Variants in ABCC3 observed in about 807,000 individuals in gnomAD.
ABCC3 encodes the protein ATP-binding cassette sub-family C member 3.
ABCC3 carries 121 observed loss-of-function variants against 165.3 expected under a neutral mutation model. The observed-to-expected ratio is 0.73, with a 90% confidence interval of 0.63 to 0.85. ABCC3 has a LOEUF of 0.85. Among genes scored for constraint, ABCC3 ranks in the 40% least tolerant of loss-of-function variants. The probability of loss-of-function intolerance (pLI) is 0.00; values close to 1 mark genes in which losing one functional copy is unlikely to be tolerated. For synonymous variants in ABCC3, 733 were observed against 810.1 expected (o/e 0.90, Z 1.62); for missense variants, 1,869 against 1,964.1 (o/e 0.95, Z 0.92).
At chr17:50,658,936 C>T (rs1414195222) in intron 6 of ABCC3, among the ~76,000 whole-genome samples, 2 of 152,208 alleles carry the variant, frequency 1.3e-5, no homozygotes, top group Non-Finnish European at 2.9e-5. Context: ...TTGCCCAGGC[C>T]TCGTCCTCAC....
At chr17:50,673,988 C>T (rs199866858) in intron 19 of ABCC3, among the ~76,000 whole-genome samples, 5,553 of 12,150 alleles carry the variant, frequency 0.46, 764 homozygotes, top group South Asian at 0.56. Context: ...TTCTCTCTCT[C>T]TCTCTCTCTC....
chr17:50,687,898 TG>T (rs1320845056), intron 30 of ABCC3, among the ~76,000 whole-genome samples, 168 bp downstream of exon 30: 1 of 151,238 alleles, frequency 6.6e-6, no homozygotes, highest in Non-Finnish European at 1.5e-5. Context: ...CAGACCAGAG[TG>T]GGGTGGCCTG....
chr17:50,672,269 A>G (rs1967664415), intron 17 of ABCC3, among the ~76,000 whole-genome samples: 1 of 152,146 alleles, frequency 6.6e-6, no homozygotes, highest in African/African-American at 2.4e-5. Context: ...ATCATCCAGC[A>G]TTTGTCTTTT....
In ABCC3 at chr17:50,668,537, G is replaced by C; in HGVS notation, c.1870+20G>C. The C allele has an allele frequency of 4.4e-6, 7 of 1,594,678 alleles. No individual in the cohort carries two copies. The highest frequency in any genetic ancestry group is 1.3e-5 in the African/African-American group (1 of 74,378). On this transcript the variant is annotated intron_variant, in intron 14 of 30. Transcript: ENST00000285238. ...CCCCAGGTCTAGAGAGCCCCTACCT[G>C]GGCTGCCTGCCCCAGTCCTTGCTCC...
chr17:50,666,459 G>A (rs757970628), intron 11 of ABCC3, among the ~76,000 whole-genome samples: 4 of 151,666 alleles, frequency 2.6e-5, no homozygotes, highest in Non-Finnish European at 4.4e-5. Context: ...CAACAAGAGC[G>A]AAACTCCGTC....
chr17:50,635,400 C>T (rs535493418), intron 1 of ABCC3: 1 of 684,202 alleles, frequency 1.5e-6, no homozygotes, highest in African/African-American at 1.8e-5. Flanking sequence ...ACTCGGTTGC[C>T]CACCTGGGCA....
In ABCC3 at chr17:50,638,219, C is replaced by T. The variant is rs565379849; in HGVS notation, c.45+3238C>T. ...TCTGCCTGCAGGATTCCTCTCTGTT[C>T]TGAACCACAGAGGTTGGGAGCACCT... On this transcript the variant is annotated intron_variant, in intron 1 of 30. Coordinates refer to ENST00000285238, the MANE Select transcript of ABCC3 (RefSeq NM_003786.4). Among the ~76,000 whole-genome samples the T allele has an allele frequency of 8.7e-4, 133 of 152,266 alleles. 1 individual carries two copies. Among genetic ancestry groups the T allele is most frequent in the African/African-American group, 3.0e-3 (125 of 41,546 alleles).
chr17:50,684,057 G>A lies in ABCC3; in HGVS notation c.4063G>A (p.Ala1355Thr), dbSNP rs1402974832. 5.6e-6 allele frequency: 9 copies of A among 1,613,250 alleles called. No homozygotes were observed. The highest frequency in any genetic ancestry group is 7.6e-6 in the Non-Finnish European group (9 of 1,179,718). The change falls in exon 28 of 31, where the codon GCA becomes ACA. Residue 1355 changes from alanine to threonine, a missense_variant. Physicochemically the swap from Ala to Thr is moderately conservative, Grantham distance 58. Coordinates refer to ENST00000285238, the MANE Select transcript of ABCC3 (RefSeq NM_003786.4). ...GEIRIDGLNV[A>T]DIGLHDLRSQ... Reference sequence around the variant, plus strand: ...AATCCGCATTGATGGCCTCAATGTGGCAGACATCGGCCTCCATGACCTGCG... The same window carrying A: ...AATCCGCATTGATGGCCTCAATGTGACAGACATCGGCCTCCATGACCTGCG...
At position 50,657,137 on chromosome 17, in the gene ABCC3, G is replaced by C; in HGVS notation, c.440G>C (p.Cys147Ser). The change falls in exon 4 of 31, where the codon TGC becomes TCC. Residue 147 changes from cysteine to serine, a missense_variant. Physicochemically the swap from Cys to Ser is moderately radical, Grantham distance 112. Coordinates refer to ENST00000285238, the MANE Select transcript of ABCC3 (RefSeq NM_003786.4). Reference protein sequence around the residue: ...LIIFWFLCVVCAIVPFRSKIL... With the variant: ...LIIFWFLCVVSAIVPFRSKIL... ...ATCTTCTGGTTCCTGTGTGTGGTCT[G>C]CGCCATCGTCCCATTCCGCTCCAAG... 1 of 1,614,186 alleles carries C rather than the reference G, an allele frequency of 6.2e-7. No individual in the cohort carries two copies. Among genetic ancestry groups the C allele is most frequent in the Non-Finnish European group, 8.5e-7 (1 of 1,180,034 alleles).
rs747954471 is a variant in ABCC3, at chr17:50,669,505, G to A, written c.2218G>A (p.Asp740Asn). The stretch of plus-strand genomic sequence containing the variant: ...TGACCTGGAGATGCTGCCTGGTGGG[G>A]ATCAGACAGAGATTGGAGAGAAGGT... ...LADLEMLPGG[D>N]QTEIGEKGIN... The change falls in exon 17 of 31, where the codon GAT becomes AAT. Residue 740 changes from aspartate to asparagine, a missense_variant. Coordinates refer to ENST00000285238, the MANE Select transcript of ABCC3 (RefSeq NM_003786.4). The A allele has an allele frequency of 1.9e-6, 3 of 1,614,074 alleles. No homozygotes were observed. Among genetic ancestry groups the A allele is most frequent in the African/African-American group, 2.7e-5 (2 of 74,938 alleles).
rs1392965133 is a variant in ABCC3 at position 50,673,668 on chromosome 17, A to G, written c.2599+10A>G. ...GAGGACAGCTGGACCGGTATCTGCC[A>G]TCCTGGGCCCTCTGATTCCCATGCC... On this transcript the variant is annotated intron_variant, in intron 19 of 30. Transcript: ENST00000285238. The G allele has an allele frequency of 3.1e-6, 5 of 1,613,590 alleles. No homozygotes were observed. Among genetic ancestry groups the G allele is most frequent in the East Asian group, 2.2e-5 (1 of 44,854 alleles).
In ABCC3 at chr17:50,669,189, G is replaced by A. The variant is rs142343463; in HGVS notation, c.1987G>A (p.Val663Met). The change falls in exon 16 of 31, where the codon GTG (valine) becomes ATG (methionine). Residue 663 changes from valine (V) to methionine (M), a missense_variant. Physicochemically the swap from Val to Met is conservative, Grantham distance 21 (BLOSUM62 1). Coordinates refer to ENST00000285238, the MANE Select transcript of ABCC3 (RefSeq NM_003786.4). ...KGALVAVVGP[V>M]GCGKSSLVSA... Reference sequence around the variant, plus strand: ...GGCACTGGTGGCCGTGGTGGGGCCTGTGGGCTGTGGGAAGTCCTCCCTGGT... The same window carrying A: ...GGCACTGGTGGCCGTGGTGGGGCCTATGGGCTGTGGGAAGTCCTCCCTGGT... 194 of 1,609,414 alleles carry A rather than the reference G, an allele frequency of 1.2e-4. No homozygotes were observed. The highest frequency in any genetic ancestry group is 1.6e-4 in the Non-Finnish European group (187 of 1,178,784).
intron 9 of ABCC3, 33 bp from the exon 10 acceptor site, chr17:50,663,917 C>T: frequency 6.2e-7 from 1 of 1,614,218 alleles, no homozygotes; most frequent in Non-Finnish European, 8.5e-7. Context: ...AAGAGGCTCG[C>T]AGCCAAGTCC....
In ABCC3 at chr17:50,677,739, A is replaced by G; in HGVS notation, c.3379-5A>G. On this transcript the variant is annotated splice_region_variant and splice_polypyrimidine_tract_variant and intron_variant, in intron 23 of 30. Transcript: ENST00000285238. ...CTGACCCCAAACTCCTTCTCCCTCC[A>G]TCAGCGCTTCTATGCAGCCACATCA... 2 of 1,613,588 alleles carry G rather than the reference A, an allele frequency of 1.2e-6. No individual in the cohort carries two copies. Among genetic ancestry groups the G allele is most frequent in the Non-Finnish European group, 1.7e-6 (2 of 1,179,670 alleles).
chr17:50,662,610 T>G (rs1354805152), intron 8 of ABCC3, among the ~76,000 whole-genome samples: 1 of 138,340 alleles, frequency 7.2e-6, no homozygotes, highest in Non-Finnish European at 1.5e-5. Flanking sequence ...CGCACTCCAG[T>G]CTAGGTGACA....
At chr17:50,660,774 T>G in intron 7 of ABCC3, 149 bp from the exon 8 acceptor site, 3 of 447,678 alleles carry the variant, frequency 6.7e-6, no homozygotes, top group Non-Finnish European at 8.2e-6. Flanking sequence ...GCTTGTGCAA[T>G]TCTTATGCTG....
At chr17:50,646,598 T>C (rs1967006084) in intron 1 of ABCC3, among the ~76,000 whole-genome samples, 1 of 152,166 alleles carries the variant, frequency 6.6e-6, no homozygotes, top group African/African-American at 2.4e-5. Context: ...AGGACCCTCT[T>C]GCACCAGGCA....
In ABCC3 at chr17:50,655,928, G is replaced by T. The variant is rs757334041; in HGVS notation, c.142G>T (p.Ala48Ser). ...GGTGCCCTGCATCTACCTGTGGGTC[G>T]CCCTGCCCTGCTACTTGCTCTACCT... ...AWVPCIYLWVALPCYLLYLRH... is the reference protein window; with the variant it reads ...AWVPCIYLWVSLPCYLLYLRH... The change falls in exon 2 of 31, where the codon GCC becomes TCC. Residue 48 changes from alanine (A) to serine (S), a missense_variant. Physicochemically the swap from Ala to Ser is moderately conservative, Grantham distance 99. Coordinates refer to ENST00000285238, the MANE Select transcript of ABCC3 (RefSeq NM_003786.4). 27 of 1,613,998 alleles carry T rather than the reference G, an allele frequency of 1.7e-5. No individual in the cohort carries two copies. The highest frequency in any genetic ancestry group is 3.3e-4 in the Middle Eastern group (2 of 6,060).
intron 1 of ABCC3, among the ~76,000 whole-genome samples, chr17:50,651,747 G>A (rs1967120223): frequency 6.6e-6 from 1 of 152,088 alleles, no homozygotes; most frequent in South Asian, 2.1e-4. Flanking sequence ...AAACCTTCTG[G>A]TATAGGAAGG....
Sources: gnomAD v4.1 joint callset for allele counts (sites outside exome capture counted in the v4.1 genomes callset) on GRCh38, gnomAD v4.1.1 for gene constraint, MANE v1.5 for transcripts, NCBI Gene and HGNC (gene_info 2026-07-23, HGNC 2026-07-21) for gene names.